The following PEPD variants were observed in gnomAD, a reference collection of about 807,000 sequenced individuals.
The protein encoded by PEPD is peptidase D, also known as xaa-Pro dipeptidase.
Under a neutral mutation model 60.7 loss-of-function variants are expected in PEPD, and 53 were observed. The ratio of observed to expected loss-of-function variants is 0.87; its 90% CI spans 0.70 to 1.10. The LOEUF is 1.10. PEPD is among the 50% of genes least tolerant of loss of function. The pLI is 0.00. For missense variants in PEPD, 711 were observed against 711.9 expected (o/e 1.00, Z 0.01); for synonymous variants, 267 against 284.1 (o/e 0.94, Z 0.60).
intron 9 of PEPD, among the ~76,000 whole-genome samples, chr19:33,415,334 G>C (rs902935338): frequency 6.6e-6 from 1 of 152,238 alleles, no homozygotes; most frequent in Non-Finnish European, 1.5e-5. Context: ...CAGAGGGACA[G>C]AGATGCCATC....
At chr19:33,416,530 T>C (rs1489354878) in intron 9 of PEPD, among the ~76,000 whole-genome samples, 2 of 152,098 alleles carry the variant, frequency 1.3e-5, no homozygotes, top group Non-Finnish European at 2.9e-5. Context: ...CCCTGCTCCC[T>C]CCTGCTCACC....
intron 13 of PEPD, among the ~76,000 whole-genome samples, chr19:33,391,031 C>A (rs1968205452): frequency 6.6e-6 from 1 of 152,186 alleles, no homozygotes; most frequent in South Asian, 2.1e-4. Context: ...GTGCCACCTT[C>A]TGGACAGGTG....
At chr19:33,474,327 T>C (rs1266643529) in intron 7 of PEPD, among the ~76,000 whole-genome samples, 2 of 152,244 alleles carry the variant, frequency 1.3e-5, no homozygotes, top group Admixed American at 1.3e-4. Flanking sequence ...AACTTCCCTG[T>C]ACCTCAGTTT....
At chr19:33,433,060 G>A (rs1045449627) in intron 9 of PEPD, among the ~76,000 whole-genome samples, 1 of 151,982 alleles carries the variant, frequency 6.6e-6, no homozygotes, top group African/African-American at 2.4e-5. Flanking sequence ...CTCCATTCCT[G>A]AACAAGCCAG....
chr19:33,475,618 C>T (rs1330684479), intron 7 of PEPD, among the ~76,000 whole-genome samples: 3 of 152,116 alleles, frequency 2.0e-5, no homozygotes, highest in East Asian at 1.9e-4. Flanking sequence ...TTGAAAGTGA[C>T]GAATTAATGA....
chr19:33,475,905 G>A (rs1970205508), intron 7 of PEPD, among the ~76,000 whole-genome samples: 1 of 152,184 alleles, frequency 6.6e-6, no homozygotes, highest in African/African-American at 2.4e-5. Context: ...TGTCACTCAG[G>A]CTGGAGTATG....
In PEPD at chr19:33,450,790, C is replaced by T. The variant is rs141239727; in HGVS notation, c.671+12205G>A. Among the ~76,000 whole-genome samples the T allele has an allele frequency of 3.8e-3, 573 of 152,234 alleles. 4 individuals carry two copies. Among genetic ancestry groups the T allele is most frequent in the African/African-American group, 0.013 (550 of 41,536 alleles). On this transcript the variant is annotated intron_variant, in intron 9 of 14. Coordinates refer to ENST00000244137, the MANE Select transcript of PEPD (RefSeq NM_000285.4). The stretch of plus-strand genomic sequence containing the variant: ...AGTAAAACTGAGGCAGGAGGCGGGA[C>T]TTGACTCTGGAGGCGGGGCTCGGAC...
chr19:33,520,769 C>T (rs763209690), intron 1 of PEPD, among the ~76,000 whole-genome samples: 3 of 152,156 alleles, frequency 2.0e-5, no homozygotes, highest in Non-Finnish European at 4.4e-5. Context: ...AATACTGCTC[C>T]CTCCTACACC....
chr19:33,414,661 G>A (rs1037475910), intron 9 of PEPD, among the ~76,000 whole-genome samples: 10 of 134,836 alleles, frequency 7.4e-5, no homozygotes, highest in African/African-American at 2.0e-4. Context: ...TGCCCTGCAC[G>A]TTCCAGGCCT....
chr19:33,492,832 A>C (rs1970525874), intron 5 of PEPD, among the ~76,000 whole-genome samples: 1 of 152,140 alleles, frequency 6.6e-6, no homozygotes, highest in Non-Finnish European at 1.5e-5. Context: ...AGCTATTCAG[A>C]CTGAGCAGGT....
At chr19:33,444,894 A>G (rs796876179) in intron 9 of PEPD, among the ~76,000 whole-genome samples, 11 of 151,670 alleles carry the variant, frequency 7.3e-5, no homozygotes, top group African/African-American at 2.7e-4. Context: ...CCTGGACAAC[A>G]TTTTATCACA....
intron 7 of PEPD, among the ~76,000 whole-genome samples, chr19:33,471,994 T>G (rs534611895): frequency 1.3e-5 from 2 of 152,166 alleles, no homozygotes; most frequent in South Asian, 4.2e-4. Context: ...GAACCCCGTC[T>G]CTACTAAAAA....
intron 7 of PEPD, among the ~76,000 whole-genome samples, chr19:33,471,790 T>C (rs1970124832): frequency 1.3e-5 from 2 of 151,818 alleles, no homozygotes; most frequent in Admixed American, 1.3e-4. Context: ...CTAGAGGATC[T>C]AAGGCCAAGG....
intron 6 of PEPD, among the ~76,000 whole-genome samples, chr19:33,485,356 G>A (rs960872384): frequency 1.3e-5 from 2 of 152,116 alleles, no homozygotes; most frequent in Non-Finnish European, 2.9e-5. Context: ...AGCCACGTGT[G>A]GTGGTGCGCA....
intron 9 of PEPD, among the ~76,000 whole-genome samples, chr19:33,430,329 A>G (rs958961288): frequency 6.6e-6 from 1 of 152,162 alleles, no homozygotes; most frequent in Non-Finnish European, 1.5e-5. Flanking sequence ...TTGACACCCG[A>G]GAGACGGCGA....
chr19:33,388,145 A>G (rs1327647456), intron 13 of PEPD, 64 bp from the exon 14 acceptor site: 2 of 1,360,106 alleles, frequency 1.5e-6, no homozygotes, highest in Admixed American at 2.0e-5. Flanking sequence ...CCTCATCAGG[A>G]GAGATGGGCA....
At chr19:33,444,621 G>A (rs939889059) in intron 9 of PEPD, among the ~76,000 whole-genome samples, 1 of 149,550 alleles carries the variant, frequency 6.7e-6, no homozygotes, top group Non-Finnish European at 1.5e-5. Flanking sequence ...CCCTCCCATG[G>A]CCAAGCCTAC....
At chr19:33,396,660 C>T (rs903871946) in intron 12 of PEPD, among the ~76,000 whole-genome samples, 2 of 119,636 alleles carry the variant, frequency 1.7e-5, no homozygotes, top group African/African-American at 3.2e-5. Flanking sequence ...CAGGAGGCTC[C>T]TGGGTGAGCA....
intron 6 of PEPD, among the ~76,000 whole-genome samples, chr19:33,478,714 A>C (rs1970265605): frequency 6.6e-6 from 1 of 152,158 alleles, no homozygotes; most frequent in South Asian, 2.1e-4. Context: ...AGAATTCCAT[A>C]TCCAGCAAAG....
Sources: gnomAD v4.1 joint callset for allele counts (sites outside exome capture counted in the v4.1 genomes callset) on GRCh38, gnomAD v4.1.1 for gene constraint, MANE v1.5 for transcripts, NCBI Gene and HGNC (gene_info 2026-07-23, HGNC 2026-07-21) for gene names.